XRRA1: variants seen among roughly 807,000 people sequenced by gnomAD.
XRRA1 encodes the protein X-ray radiation resistance-associated protein 1.
XRRA1 carries 69 observed loss-of-function variants against 80.2 expected under a neutral mutation model. The observed-to-expected ratio is 0.86, with a 90% CI of 0.71 to 1.05. The LOEUF is 1.05. Among genes scored for constraint, XRRA1 ranks in the 50% least tolerant of loss-of-function variants. XRRA1 has a pLI of 0.00. For synonymous variants in XRRA1, 348 were observed against 389.9 expected, an observed-to-expected ratio of 0.89 and a Z score of 1.27; for missense variants, 967 against 976.4, an observed-to-expected ratio of 0.99 and a Z score of 0.13.
At chr11:74,938,286 C>A (rs776755844) in intron 3 of XRRA1, among the ~76,000 whole-genome samples, 16 of 152,154 alleles carry the variant, frequency 1.1e-4, no homozygotes, top group Non-Finnish European at 1.9e-4. Flanking sequence ...CCATTATGGG[C>A]CTGATACTCC....
chr11:74,891,805 T>C (rs1175066917), intron 10 of XRRA1, among the ~76,000 whole-genome samples: 2 of 152,178 alleles, frequency 1.3e-5, no homozygotes, highest in African/African-American at 4.8e-5. Flanking sequence ...CCATTCACAA[T>C]TGCTTCAAAG....
chr11:74,879,527 A>T (rs1450338820), intron 10 of XRRA1, among the ~76,000 whole-genome samples: 11 of 151,976 alleles, frequency 7.2e-5, no homozygotes, highest in Non-Finnish European at 1.3e-4. Context: ...GAGAGAGGGC[A>T]TCCCTGTCTT....
In XRRA1 at chr11:74,907,196, T is replaced by C; in HGVS notation, c.734A>G (p.Asp245Gly). Reference sequence around the variant, plus strand: ...GCAACTGGGGTTGGAGAGTCTGTTGTCATCCAGCATCAGTGTCTCCAGCGC... The same window carrying C: ...GCAACTGGGGTTGGAGAGTCTGTTGCCATCCAGCATCAGTGTCTCCAGCGC... ...FPALETLMLD[D>G]NRLSNPSCFA... Residue 245 changes from aspartate to glycine, a missense_variant, in exon 9 of 19, where the codon GAC becomes GGC. Coordinates refer to ENST00000684022, the MANE Select transcript of XRRA1 (RefSeq NM_001378157.1). The C allele has an allele frequency of 6.2e-7, 1 of 1,613,992 alleles. No individual in the cohort carries two copies. The highest frequency in any genetic ancestry group is 2.2e-5 in the East Asian group (1 of 44,878).
chr11:74,871,054 T>C (rs1294371158), intron 10 of XRRA1, among the ~76,000 whole-genome samples: 1 of 152,176 alleles, frequency 6.6e-6, no homozygotes, highest in Non-Finnish European at 1.5e-5. Context: ...GTACACTCTC[T>C]CCATTAAAGG....
At chr11:74,879,221 A>G (rs1229267489) in intron 10 of XRRA1, among the ~76,000 whole-genome samples, 2 of 150,152 alleles carry the variant, frequency 1.3e-5, no homozygotes, top group Admixed American at 1.3e-4. Context: ...ATTCTCTTTG[A>G]AGCAATTGTG....
At chr11:74,866,420 A>G (rs1219853860) in intron 10 of XRRA1, among the ~76,000 whole-genome samples, 1 of 151,854 alleles carries the variant, frequency 6.6e-6, no homozygotes, top group African/African-American at 2.4e-5. Flanking sequence ...TGCCTGGTTA[A>G]TGTTTTTATT....
At chr11:74,885,843 C>G (rs2048884512) in intron 10 of XRRA1, among the ~76,000 whole-genome samples, 1 of 152,114 alleles carries the variant, frequency 6.6e-6, no homozygotes, top group Non-Finnish European at 1.5e-5. Context: ...AATCCAGCAG[C>G]ACATCAAAAA....
intron 10 of XRRA1, among the ~76,000 whole-genome samples, chr11:74,872,363 CA>C (rs2045011848): frequency 6.6e-6 from 1 of 152,156 alleles, no homozygotes; most frequent in Admixed American, 6.5e-5. Context: ...ACTGTAGAAG[CA>C]GGCTATAGGA....
intron 7 of XRRA1, among the ~76,000 whole-genome samples, chr11:74,924,711 T>C (rs188371670): frequency 6.6e-6 from 1 of 152,124 alleles, no homozygotes; most frequent in East Asian, 1.9e-4. Flanking sequence ...TGCACACTCA[T>C]AGTCCCAGCT....
Position 74,933,846 on chromosome 11 carries a change from T to C in XRRA1, c.306A>G (p.Pro102=), listed in dbSNP as rs375250414. 7 of 1,604,824 alleles carry C rather than the reference T, an allele frequency of 4.4e-6. No individual in the cohort carries two copies. In the African/African-American group the frequency reaches 9.4e-5, roughly 21 times the overall value. The stretch of plus-strand genomic sequence containing the variant: ...TCACATTAATGGTGCACAGATCTGA[T>C]GGCTTCCTCACACAGTGGTGCTTCA... ...FLLKHHCVRK[P]SDLCTINVSG... is the part of the protein sequence containing the mutation. The change falls in exon 5 of 19, where the codon CCA becomes CCG. Residue 102 remains proline, a synonymous_variant. Coordinates refer to ENST00000684022, the MANE Select transcript of XRRA1 (RefSeq NM_001378157.1).
At chr11:74,843,768 C>A in intron 18 of XRRA1, 86 bp downstream of exon 18, 1 of 1,248,830 alleles carries the variant, frequency 8.0e-7, no homozygotes, top group South Asian at 1.3e-5. Context: ...AAGGGCCTTT[C>A]CTGCACTGAC....
At chr11:74,887,366 A>G (rs928816474) in intron 10 of XRRA1, among the ~76,000 whole-genome samples, 2 of 152,250 alleles carry the variant, frequency 1.3e-5, no homozygotes, top group African/African-American at 4.8e-5. Context: ...ACTTAAATTT[A>G]TAAGCAAAAA....
At chr11:74,945,390 A>C (rs563745776) in intron 1 of XRRA1, among the ~76,000 whole-genome samples, 1 of 152,346 alleles carries the variant, frequency 6.6e-6, no homozygotes, top group Admixed American at 6.5e-5. Context: ...TTATTTACAC[A>C]AAATAAATTT....
chr11:74,890,371 A>G (rs1391823528), intron 10 of XRRA1, among the ~76,000 whole-genome samples: 1 of 152,244 alleles, frequency 6.6e-6, no homozygotes, highest in African/African-American at 2.4e-5. Context: ...AAGACACAAC[A>G]TACCAGAATC....
At chr11:74,911,743 G>A (rs2055938839) in intron 8 of XRRA1, among the ~76,000 whole-genome samples, 1 of 152,108 alleles carries the variant, frequency 6.6e-6, no homozygotes, top group Non-Finnish European at 1.5e-5. Flanking sequence ...TATAAGAGAT[G>A]TGAAGAGAGA....
chr11:74,889,380 G>C (rs1490833117), intron 10 of XRRA1, among the ~76,000 whole-genome samples: 2 of 152,126 alleles, frequency 1.3e-5, no homozygotes, highest in African/African-American at 2.4e-5. Flanking sequence ...CACCAGGCCT[G>C]CCTAAAAGAG....
At chr11:74,922,256 CAAAAA>C (rs398016677) in intron 7 of XRRA1, among the ~76,000 whole-genome samples, 3 of 69,680 alleles carry the variant, frequency 4.3e-5, no homozygotes, top group South Asian at 1.3e-3. Flanking sequence ...GACTCTGCCT[CAAAAA>C]AAAAAAAAAA....
At chr11:74,937,891 G>A (rs1159350203) in intron 3 of XRRA1, among the ~76,000 whole-genome samples, 1 of 152,186 alleles carries the variant, frequency 6.6e-6, no homozygotes, top group African/African-American at 2.4e-5. Flanking sequence ...CCCAAGGCCT[G>A]CACAGAGCTC....
chr11:74,900,848 C>T (rs1159419621), intron 10 of XRRA1, among the ~76,000 whole-genome samples: 2 of 152,180 alleles, frequency 1.3e-5, no homozygotes, highest in African/African-American at 2.4e-5. Flanking sequence ...TAGTTAGTAT[C>T]GTACTAAATG....
Sources: allele counts gnomAD v4.1 joint callset (sites outside exome capture counted in the v4.1 genomes callset), GRCh38; gene constraint gnomAD v4.1.1; transcripts MANE v1.5; gene names NCBI Gene and HGNC (gene_info 2026-07-23, HGNC 2026-07-21).